The following RBFOX2 variants were observed in gnomAD, a reference collection of about 807,000 sequenced individuals.
RBFOX2 encodes RNA binding fox-1 homolog 2.
A neutral mutation model predicts 49.1 loss-of-function variants in RBFOX2; 10 were observed. The ratio of observed to expected loss-of-function variants is 0.20; its 90% CI spans 0.13 to 0.35. The LOEUF is 0.35. RBFOX2 is among the 10% of genes least tolerant of loss of function. The pLI, the probability that RBFOX2 is intolerant of heterozygous loss-of-function variation, is 1.00. For synonymous variants in RBFOX2, 183 were observed against 187.4 expected (o/e 0.98, Z 0.19); for missense variants, 323 against 486.9 (o/e 0.66, Z 3.17).
chr22:35,824,013 G>A (rs1253489255), intron 1 of RBFOX2, among the ~76,000 whole-genome samples: 1 of 152,060 alleles, frequency 6.6e-6, no homozygotes, highest in African/African-American at 2.4e-5. Flanking sequence ...GCCAGGTGTG[G>A]TGGCGCACAC....
intron 1 of RBFOX2, among the ~76,000 whole-genome samples, chr22:35,878,547 G>A (rs1009293865): frequency 6.6e-6 from 1 of 152,076 alleles, no homozygotes; most frequent in Non-Finnish European, 1.5e-5. Flanking sequence ...AGGACTACAG[G>A]TGCATGCCAT....
At chr22:36,002,191 T>C (rs552077556) in intron 1 of RBFOX2, among the ~76,000 whole-genome samples, 2 of 152,326 alleles carry the variant, frequency 1.3e-5, no homozygotes, top group Non-Finnish European at 2.9e-5. Flanking sequence ...GTCCCTCTGA[T>C]ACTCAGCAAT....
chr22:35,760,125 GA>G, intron 8 of RBFOX2, 105 bp from the exon 10 acceptor site: 1 of 1,448,644 alleles, frequency 6.9e-7, no homozygotes, highest in Non-Finnish European at 9.6e-7. Flanking sequence ...GGAAAGATAC[GA>G]ACCACACCTT....
chr22:35,762,669 C>T (rs2146392269), intron 6 of RBFOX2, among the ~76,000 whole-genome samples: 1 of 151,992 alleles, frequency 6.6e-6, no homozygotes. Context: ...CCATGCCTGG[C>T]TAGTTTTATA....
chr22:35,859,195 C>T (rs2042857580), intron 1 of RBFOX2, among the ~76,000 whole-genome samples: 1 of 152,132 alleles, frequency 6.6e-6, no homozygotes, highest in East Asian at 1.9e-4. Context: ...TCTAATTTCT[C>T]AGGGTGAAGA....
chr22:35,783,002 C>G (rs1205945869), intron 2 of RBFOX2, among the ~76,000 whole-genome samples: 1 of 152,154 alleles, frequency 6.6e-6, no homozygotes, highest in Non-Finnish European at 1.5e-5. Flanking sequence ...TGCCTGCACT[C>G]TGTTATTTTC....
chr22:35,812,319 T>A (rs1288979370), intron 1 of RBFOX2, among the ~76,000 whole-genome samples: 1 of 152,042 alleles, frequency 6.6e-6, no homozygotes, highest in Admixed American at 6.6e-5. Flanking sequence ...AAATATGTTA[T>A]GAAAACTTTA....
chr22:35,972,029 G>A (rs942731859), intron 1 of RBFOX2, among the ~76,000 whole-genome samples: 3 of 149,798 alleles, frequency 2.0e-5, no homozygotes, highest in Non-Finnish European at 2.9e-5. Context: ...ATCACCCTTC[G>A]GAACATATTT....
intron 1 of RBFOX2, among the ~76,000 whole-genome samples, chr22:35,982,494 C>T (rs989746628): frequency 6.6e-6 from 1 of 152,098 alleles, no homozygotes; most frequent in African/African-American, 2.4e-5. Context: ...TCTCTCTCTG[C>T]CTCCCTCCAC....
chr22:35,782,437 T>G (rs1945363203), intron 2 of RBFOX2, among the ~76,000 whole-genome samples: 1 of 152,116 alleles, frequency 6.6e-6, no homozygotes, highest in South Asian at 2.1e-4. Flanking sequence ...TTCTCCTGCC[T>G]CAGCCTCCCG....
intron 1 of RBFOX2, among the ~76,000 whole-genome samples, chr22:35,874,071 A>T (rs2044703799): frequency 6.6e-6 from 1 of 152,216 alleles, no homozygotes; most frequent in Non-Finnish European, 1.5e-5. Context: ...CACGACTGTC[A>T]TCTCATCAAT....
At chr22:35,845,758 G>A (rs1054748807) in intron 1 of RBFOX2, among the ~76,000 whole-genome samples, 1 of 152,166 alleles carries the variant, frequency 6.6e-6, no homozygotes, top group Non-Finnish European at 1.5e-5. Flanking sequence ...CAATAACTGG[G>A]TTGTCAAGAA....
intron 1 of RBFOX2, among the ~76,000 whole-genome samples, chr22:35,932,862 C>T (rs1465067921): frequency 3.3e-5 from 5 of 152,146 alleles, no homozygotes; most frequent in Admixed American, 6.6e-5. Context: ...GCCTGGGCAA[C>T]AGAGTCTCAA....
intron 1 of RBFOX2, among the ~76,000 whole-genome samples, chr22:35,878,051 C>T (rs1006241570): frequency 1.8e-4 from 27 of 150,832 alleles, no homozygotes; most frequent in African/African-American, 3.7e-4. Flanking sequence ...CACACACACA[C>T]ACACACACAC....
intron 1 of RBFOX2, among the ~76,000 whole-genome samples, chr22:36,016,069 A>C (rs1402173839): frequency 1.3e-5 from 2 of 152,206 alleles, no homozygotes; most frequent in African/African-American, 4.8e-5. Flanking sequence ...CTCCTGTCTC[A>C]GAACAAGCCA....
At chr22:35,889,411 T>C (rs2046986554) in intron 1 of RBFOX2, among the ~76,000 whole-genome samples, 1 of 152,080 alleles carries the variant, frequency 6.6e-6, no homozygotes, top group Admixed American at 6.6e-5. Context: ...CATGATCCCT[T>C]TCATCTTCCC....
In RBFOX2 at chr22:35,909,586, A is replaced by C. The variant is rs549533100; in HGVS notation, c.-34+29261T>G. 6.6e-5 allele frequency among the ~76,000 whole-genome samples: 10 copies of C among 152,350 alleles called. No homozygotes were observed. The East Asian group carries it at 1.9e-3, about 29-fold the overall frequency. On this transcript the variant is annotated intron_variant, in intron 1 of 13. Coordinates refer to the RBFOX2 transcript ENST00000359369. ...ATATAGTTTCTACTTAGTATGCAAC[A>C]ATCTATCATGAAAAGTGCAATGTCT...
chr22:35,793,410 T>C (rs1219046476), intron 2 of RBFOX2, among the ~76,000 whole-genome samples: 1 of 152,198 alleles, frequency 6.6e-6, no homozygotes. Context: ...ATGTTTACGA[T>C]GGAGTTCCTG....
At chr22:35,757,956 A>G (rs1312255152) in intron 9 of RBFOX2, among the ~76,000 whole-genome samples, 1 of 152,314 alleles carries the variant, frequency 6.6e-6, no homozygotes, top group Admixed American at 6.5e-5. Context: ...AAAAACACGA[A>G]TACATTTTAC....
Sources: gnomAD v4.1 joint callset for allele counts (sites outside exome capture counted in the v4.1 genomes callset) on GRCh38, gnomAD v4.1.1 for gene constraint, MANE v1.5 for transcripts, NCBI Gene and HGNC (gene_info 2026-07-23, HGNC 2026-07-21) for gene names.